ASTN1: variants seen among roughly 807,000 people sequenced by gnomAD.
ASTN1 encodes the protein astrotactin 1, also known as astrotactin-1.
A neutral mutation model predicts 140.7 loss-of-function variants in ASTN1; 41 were observed. The ratio of observed to expected loss-of-function variants is 0.29; its 90% CI spans 0.23 to 0.38. The LOEUF (loss-of-function observed/expected upper bound fraction) is 0.38. ASTN1 is among the 10% of genes least tolerant of loss of function. The probability of loss-of-function intolerance (pLI) is 1.00; values close to 1 mark genes in which losing one functional copy is unlikely to be tolerated. For missense variants in ASTN1, 1,479 were observed against 1,678.8 expected (o/e 0.88, Z 2.08); for synonymous variants, 640 against 652.2 (o/e 0.98, Z 0.29).
At chr1:177,137,615 A>T (rs1451725229) in intron 1 of ASTN1, among the ~76,000 whole-genome samples, 1 of 152,210 alleles carries the variant, frequency 6.6e-6, no homozygotes, top group Non-Finnish European at 1.5e-5. Flanking sequence ...AGTTACCTAG[A>T]GGTGGAGCTA....
At chr1:177,102,041 C>T (rs565461762) in intron 1 of ASTN1, among the ~76,000 whole-genome samples, 2 of 152,292 alleles carry the variant, frequency 1.3e-5, no homozygotes, top group South Asian at 2.1e-4. Context: ...TGATTGCTGG[C>T]AGTCTGCAGT....
chr1:176,980,461 T>C (rs1220712926), intron 8 of ASTN1, among the ~76,000 whole-genome samples: 1 of 152,090 alleles, frequency 6.6e-6, no homozygotes, highest in Admixed American at 6.5e-5. Context: ...ACAGCCCGTT[T>C]CTATGAGACT....
intron 8 of ASTN1, among the ~76,000 whole-genome samples, chr1:176,982,893 T>C (rs1673690100): frequency 6.6e-6 from 1 of 152,046 alleles, no homozygotes. Flanking sequence ...TCTGCACATG[T>C]TTATGTAAGG....
intron 16 of ASTN1, among the ~76,000 whole-genome samples, chr1:176,929,443 A>G (rs977929202): frequency 3.3e-5 from 5 of 152,220 alleles, no homozygotes; most frequent in Non-Finnish European, 5.9e-5. Context: ...TAGAAGCTGG[A>G]AAGGACAAGG....
At chr1:177,145,865 A>G (rs1442694652) in intron 1 of ASTN1, among the ~76,000 whole-genome samples, 1 of 152,244 alleles carries the variant, frequency 6.6e-6, no homozygotes, top group Non-Finnish European at 1.5e-5. Flanking sequence ...GTCAGTTCCC[A>G]GCTGAAGTAC....
At chr1:176,965,519 C>T (rs905244077) in intron 8 of ASTN1, among the ~76,000 whole-genome samples, 1 of 152,234 alleles carries the variant, frequency 6.6e-6, no homozygotes, top group Non-Finnish European at 1.5e-5. Flanking sequence ...AGATAGATGT[C>T]ACATATTCAT....
At chr1:176,905,942 C>T (rs539618741) in intron 16 of ASTN1, among the ~76,000 whole-genome samples, 1 of 152,114 alleles carries the variant, frequency 6.6e-6, no homozygotes, top group Non-Finnish European at 1.5e-5. Flanking sequence ...GACAGCTGGA[C>T]ATGGGAGGAA....
chr1:176,878,757 G>T (rs1281569819), intron 20 of ASTN1, among the ~76,000 whole-genome samples: 1 of 152,072 alleles, frequency 6.6e-6, no homozygotes, highest in Non-Finnish European at 1.5e-5. Flanking sequence ...GTACCACTCT[G>T]CAGATTTCAG....
At chr1:176,873,993 G>A (rs182409442) in intron 21 of ASTN1, among the ~76,000 whole-genome samples, 9 of 152,210 alleles carry the variant, frequency 5.9e-5, no homozygotes, top group Admixed American at 5.9e-4. Context: ...ATCCATCCCT[G>A]TAGGTAGCAT....
intron 1 of ASTN1, among the ~76,000 whole-genome samples, chr1:177,107,809 A>G (rs1468809408): frequency 1.3e-5 from 2 of 152,174 alleles, no homozygotes; most frequent in African/African-American, 2.4e-5. Flanking sequence ...CAATATATTC[A>G]ATTGGAGTAT....
chr1:177,008,141 A>T (rs1232910202), intron 8 of ASTN1, among the ~76,000 whole-genome samples: 1 of 152,194 alleles, frequency 6.6e-6, no homozygotes, highest in East Asian at 1.9e-4. Context: ...ATGGAGATTT[A>T]CTTTCAAGCA....
In ASTN1 at chr1:176,957,742, TTA is replaced by T; in HGVS notation, c.1821_1822del (p.Asp607GlufsTer6). The T allele has an allele frequency of 1.9e-6, 3 of 1,614,094 alleles. No homozygotes were observed. Among genetic ancestry groups the T allele is most frequent in the Non-Finnish European group, 2.5e-6 (3 of 1,179,978 alleles). ...GCGGAAATTCTTACTGCAGCCCCCG[TTA>T]TCTTTGCTGCAGTCGCGCACCGGCC... On this transcript the variant is annotated frameshift_variant, in exon 11 of 23. Transcript: ENST00000361833. LOFTEE classifies it high-confidence loss of function.
At chr1:176,909,497 T>C (rs979882711) in intron 16 of ASTN1, among the ~76,000 whole-genome samples, 1 of 152,204 alleles carries the variant, frequency 6.6e-6, no homozygotes, top group African/African-American at 2.4e-5. Context: ...GTAAAAAAGA[T>C]GCTGCTGATC....
At chr1:177,079,050 A>G (rs1308450901) in intron 1 of ASTN1, among the ~76,000 whole-genome samples, 2 of 152,350 alleles carry the variant, frequency 1.3e-5, no homozygotes, top group African/African-American at 2.4e-5. Flanking sequence ...CTGTTCTCCA[A>G]TTCTGCAACT....
chr1:177,059,175 A>C (rs1435799251), intron 2 of ASTN1, among the ~76,000 whole-genome samples: 1 of 152,224 alleles, frequency 6.6e-6, no homozygotes, highest in Non-Finnish European at 1.5e-5. Flanking sequence ...AAAACAAAAC[A>C]AAACCACCCA....
chr1:177,078,561 G>T (rs1679030444), intron 1 of ASTN1, among the ~76,000 whole-genome samples: 1 of 152,188 alleles, frequency 6.6e-6, no homozygotes, highest in South Asian at 2.1e-4. Flanking sequence ...GTAAATATAT[G>T]CCACCCAACG....
intron 8 of ASTN1, among the ~76,000 whole-genome samples, chr1:176,979,744 GT>G (rs1305015207): frequency 6.6e-6 from 1 of 152,112 alleles, no homozygotes; most frequent in East Asian, 1.9e-4. Flanking sequence ...AATGATTCTG[GT>G]GATTATAAGT....
intron 8 of ASTN1, among the ~76,000 whole-genome samples, chr1:176,980,706 G>A (rs1422704787): frequency 6.6e-6 from 1 of 152,104 alleles, no homozygotes; most frequent in African/African-American, 2.4e-5. Flanking sequence ...AGGAGAAGCT[G>A]AGAGACTAGG....
chr1:177,032,920 T>C (rs1215934690), intron 2 of ASTN1, 71 bp from the exon 3 acceptor site: 1 of 1,452,074 alleles, frequency 6.9e-7, no homozygotes, highest in Non-Finnish European at 9.2e-7. Flanking sequence ...CACTGCTCCT[T>C]CTGCTACCAC....
Sources: allele counts gnomAD v4.1 joint callset (sites outside exome capture counted in the v4.1 genomes callset), GRCh38; gene constraint gnomAD v4.1.1; transcripts MANE v1.5; gene names NCBI Gene and HGNC (gene_info 2026-07-23, HGNC 2026-07-21).